The following SMOC2 variants were observed in gnomAD, a reference collection of about 807,000 sequenced individuals.
SMOC2 encodes the protein SPARC-related modular calcium-binding protein 2.
In SMOC2, 39 loss-of-function variants were observed where a neutral mutation model predicts 61.4. That is an observed-to-expected ratio of 0.64 (90% CI 0.49 to 0.83). The LOEUF (loss-of-function observed/expected upper bound fraction) is 0.83, where lower values mean the gene tolerates loss of function less well. Ranked by LOEUF, SMOC2 falls within the 40% of genes least tolerant of loss-of-function variation. The pLI is 0.00. For missense variants in SMOC2, 556 were observed against 592.9 expected (o/e 0.94, Z 0.65); for synonymous variants, 247 against 239.9 (o/e 1.03, Z -0.27).
At chr6:168,511,426 T>C (rs138219064) in intron 2 of SMOC2, among the ~76,000 whole-genome samples, 2 of 152,174 alleles carry the variant, frequency 1.3e-5, no homozygotes, top group East Asian at 3.9e-4. Context: ...AACCATCAGA[T>C]CTCATGAGAA....
At chr6:168,637,741 A>G (rs1432105088) in intron 9 of SMOC2, among the ~76,000 whole-genome samples, 3 of 152,228 alleles carry the variant, frequency 2.0e-5, no homozygotes, top group Admixed American at 2.0e-4. Context: ...GCTTCTTCCA[A>G]ACAAAACTGC....
chr6:168,454,949 C>G (rs1471554789), intron 1 of SMOC2, among the ~76,000 whole-genome samples: 1 of 151,654 alleles, frequency 6.6e-6, no homozygotes, highest in Admixed American at 6.6e-5. Flanking sequence ...GGCCGAGGGT[C>G]GGCGCTGGCC....
At chr6:168,636,237 A>G (rs1786715145) in intron 9 of SMOC2, among the ~76,000 whole-genome samples, 1 of 152,130 alleles carries the variant, frequency 6.6e-6, no homozygotes, top group Non-Finnish European at 1.5e-5. Flanking sequence ...TCGGTTAAGG[A>G]TGAGTGGCAT....
rs1787673491 is a variant in SMOC2, at chr6:168,666,786, T to C, written c.*348T>C. On this transcript the variant is annotated 3_prime_UTR_variant, in exon 13 of 13. Coordinates refer to ENST00000356284, the MANE Select transcript of SMOC2 (RefSeq NM_001166412.2). ...CAATCGTATGGCTTTCTCTAACCCC[T>C]GCAGTCACTTCCAGATGCCTGTGCT... The C allele has an allele frequency of 4.1e-6, 1 of 244,530 alleles. No homozygotes were observed. Among genetic ancestry groups the C allele is most frequent in the Non-Finnish European group, 7.9e-6 (1 of 126,444 alleles). The allele number at this position is 244,530 out of a possible 1,614,324, so 15.1% of individuals were successfully genotyped here.
chr6:168,459,290 GGT>G (rs150540582), intron 1 of SMOC2, among the ~76,000 whole-genome samples: 1,901 of 152,298 alleles, frequency 0.012, 20 homozygotes, highest in Middle Eastern at 0.034. Context: ...GGGCTTCGTA[GGT>G]GTGTTTTGAT....
chr6:168,450,192 C>T (rs1296852686), intron 1 of SMOC2, among the ~76,000 whole-genome samples: 3 of 152,140 alleles, frequency 2.0e-5, no homozygotes, highest in Admixed American at 1.3e-4. Flanking sequence ...CTTTGGAATA[C>T]AAATGTACAT....
chr6:168,464,214 A>AAAGGAAGGAAGGAAGAAAAGG (rs1554281687), intron 1 of SMOC2, among the ~76,000 whole-genome samples: 80 of 149,746 alleles, frequency 5.3e-4, no homozygotes, highest in African/African-American at 1.9e-3. Flanking sequence ...AGGAAGGAAG[A>AAAGGAAGGAAGGAAGAAAAGG]AAGGAAGGAA....
At chr6:168,550,851 T>C (rs1784115282) in intron 7 of SMOC2, among the ~76,000 whole-genome samples, 1 of 152,254 alleles carries the variant, frequency 6.6e-6, no homozygotes, top group African/African-American at 2.4e-5. Flanking sequence ...TGTTCAATTT[T>C]GTCACCCCAT....
chr6:168,660,419 G>T (rs1047528069), intron 11 of SMOC2, among the ~76,000 whole-genome samples: 1 of 152,212 alleles, frequency 6.6e-6, no homozygotes, highest in African/African-American at 2.4e-5. Context: ...TCTCAGTAGC[G>T]CTGGGAGAAA....
At chr6:168,518,904 CATGT>C (rs1783236614) in intron 2 of SMOC2, among the ~76,000 whole-genome samples, 1 of 149,534 alleles carries the variant, frequency 6.7e-6, no homozygotes, top group Admixed American at 6.6e-5. Flanking sequence ...TGTGTGCGTG[CATGT>C]GTGAGTGAGC....
Position 168,667,029 on chromosome 6 carries a change from A to G in SMOC2, c.*591A>G, listed in dbSNP as rs1465212417. 1.3e-5 allele frequency: 2 copies of G among 152,368 alleles called. No individual in the cohort carries two copies. The highest frequency in any genetic ancestry group is 4.8e-5 in the African/African-American group (2 of 41,462). The allele number at this position is 152,368 out of a possible 1,614,324, so 9.4% of individuals were successfully genotyped here. On this transcript the variant is annotated 3_prime_UTR_variant, in exon 13 of 13. Coordinates refer to ENST00000356284, the MANE Select transcript of SMOC2 (RefSeq NM_001166412.2). The stretch of plus-strand genomic sequence containing the variant: ...TGCAGGTAGTTCCCCTGGAGGAAAT[A>G]ATATTTTCAAACTGTCGTTGGTGTG...
Position 168,535,492 on chromosome 6 carries a change from C to T in SMOC2, c.463+7765C>T, listed in dbSNP as rs1783710371. On this transcript the variant is annotated intron_variant, in intron 4 of 12. Transcript: ENST00000356284. This position sits in a 1 kb window ranked among gnomAD's most constrained non-coding sequence, Gnocchi z 4.6. ...TTCTCCTGCCATTGAATCAGGGTCT[C>T]AAATCAGAAATCAGTAAATTCAGAA... is the stretch of plus-strand genomic sequence containing the variant. Among the ~76,000 whole-genome samples, 1 of 152,104 alleles carries T rather than the reference C, an allele frequency of 6.6e-6. No homozygotes were observed.
chr6:168,618,031 C>A (rs1786139865), intron 9 of SMOC2, among the ~76,000 whole-genome samples: 1 of 152,210 alleles, frequency 6.6e-6, no homozygotes, highest in South Asian at 2.1e-4. Context: ...TTTAACCCAC[C>A]CATTTATTTC....
In SMOC2 at chr6:168,544,130, ACC is replaced by A. The variant is rs902605598; in HGVS notation, c.511+460_511+461del. ...CTGGTACAAACAAGAGCTGAACAGA[ACC>A]CTTAACCTTAAACATCATGTCGCAG... On this transcript the variant is annotated intron_variant, in intron 5 of 12. Transcript: ENST00000356284. This position sits in a 1 kb window ranked among gnomAD's most constrained non-coding sequence, Gnocchi z 4.1. 4.6e-5 allele frequency among the ~76,000 whole-genome samples: 7 copies of A among 151,984 alleles called. No individual in the cohort carries two copies. Among genetic ancestry groups the A allele is most frequent in the Middle Eastern group, 3.2e-3 (1 of 316 alleles).
At chr6:168,476,577 G>A (rs1583043566) in intron 1 of SMOC2, among the ~76,000 whole-genome samples, 1 of 151,748 alleles carries the variant, frequency 6.6e-6, no homozygotes, top group South Asian at 2.1e-4. Context: ...ATATATAACA[G>A]ATATTTTCTA....
At chr6:168,468,500 ATTTAGAAATTCT>A (rs1215918942) in intron 1 of SMOC2, among the ~76,000 whole-genome samples, 2 of 152,152 alleles carry the variant, frequency 1.3e-5, no homozygotes, top group Non-Finnish European at 2.9e-5. Flanking sequence ...AGTGGGCACC[ATTTAGAAATTCT>A]TTTGAATGCT....
chr6:168,611,328 C>T (rs13218738), intron 9 of SMOC2, among the ~76,000 whole-genome samples: 1,281 of 24,500 alleles, frequency 0.052, 20 homozygotes, highest in Admixed American at 0.058. Context: ...GCTCTGGTTC[C>T]CATGTCCGGG....
intron 1 of SMOC2, among the ~76,000 whole-genome samples, chr6:168,498,217 G>C (rs1171264784): frequency 6.6e-6 from 1 of 152,152 alleles, no homozygotes. Flanking sequence ...AAATTATCTG[G>C]TATCTTGGCG....
At chr6:168,560,120 T>C (rs546225219) in intron 7 of SMOC2, among the ~76,000 whole-genome samples, 2 of 152,224 alleles carry the variant, frequency 1.3e-5, no homozygotes, top group East Asian at 1.9e-4. Context: ...AGAGGCAACC[T>C]TTTTCCTTAG....
Sources: allele counts gnomAD v4.1 joint callset (sites outside exome capture counted in the v4.1 genomes callset), GRCh38; gene constraint gnomAD v4.1.1; non-coding constraint Gnocchi (gnomAD v3.1); transcripts MANE v1.5; gene names NCBI Gene and HGNC (gene_info 2026-07-23, HGNC 2026-07-21).